Variants in GABRG3 observed in about 807,000 individuals in gnomAD.
GABRG3 encodes the protein gamma-aminobutyric acid receptor subunit gamma-3.
In GABRG3, 25 loss-of-function variants were observed where a neutral mutation model predicts 48.8. That is an observed-to-expected ratio of 0.51 (90% CI 0.37 to 0.72). The LOEUF (loss-of-function observed/expected upper bound fraction) is 0.72, where lower values mean the gene tolerates loss of function less well. GABRG3 is among the 30% of genes least tolerant of loss of function. GABRG3 has a pLI of 0.00. For missense variants in GABRG3, 394 were observed against 577.9 expected (o/e 0.68, Z 3.26); for synonymous variants, 227 against 217.6 (o/e 1.04, Z -0.38).
chr15:27,152,738 T>C (rs1019916257), intron 3 of GABRG3, among the ~76,000 whole-genome samples: 17 of 152,220 alleles, frequency 1.1e-4, no homozygotes, highest in African/African-American at 3.9e-4. Context: ...TTTTGTTCTT[T>C]GCATATTTCA....
In GABRG3 at chr15:27,535,375, A is replaced by T. The variant is rs1331802406; in HGVS notation, c.*2494A>T. ...GCCTTGTGTTTCAAAACCACTCAAC[A>T]TTTGGATATTGTTAGCAACCCTCCT... On this transcript the variant is annotated 3_prime_UTR_variant, in exon 10 of 10. Coordinates refer to ENST00000615808, the MANE Select transcript of GABRG3 (RefSeq NM_033223.5). 6.6e-6 allele frequency: 1 copy of T among 152,222 alleles called. No homozygotes were observed. Among genetic ancestry groups the T allele is most frequent in the Non-Finnish European group, 1.5e-5 (1 of 68,040 alleles). The allele number at this position is 152,222 out of a possible 1,614,324, so 9.4% of individuals were successfully genotyped here.
At chr15:27,202,985 A>G (rs1381387740) in intron 3 of GABRG3, among the ~76,000 whole-genome samples, 1 of 152,138 alleles carries the variant, frequency 6.6e-6, no homozygotes, top group Admixed American at 6.6e-5. Flanking sequence ...GTTATCTTCT[A>G]AAGTATTTAT....
intron 3 of GABRG3, among the ~76,000 whole-genome samples, chr15:27,270,857 A>G (rs1411969200): frequency 6.6e-6 from 1 of 152,200 alleles, no homozygotes; most frequent in Non-Finnish European, 1.5e-5. Flanking sequence ...ACATTATTTC[A>G]TGTCAATCAT....
At chr15:26,995,887 A>G (rs1398189440) in intron 2 of GABRG3, among the ~76,000 whole-genome samples, 1 of 152,092 alleles carries the variant, frequency 6.6e-6, no homozygotes, top group Non-Finnish European at 1.5e-5. Context: ...TAAATAACAT[A>G]TTTATTTATC....
At chr15:27,128,261 G>A (rs1267783427) in intron 3 of GABRG3, among the ~76,000 whole-genome samples, 1 of 152,210 alleles carries the variant, frequency 6.6e-6, no homozygotes, top group Non-Finnish European at 1.5e-5. Context: ...TGGTGGAGGA[G>A]AGCTTGTGGC....
rs1469201356 is a variant in GABRG3, at chr15:27,169,088, T to C, written c.270+142267T>C. On this transcript the variant is annotated intron_variant, in intron 3 of 9. Coordinates refer to ENST00000615808, the MANE Select transcript of GABRG3 (RefSeq NM_033223.5). Reference sequence around the variant, plus strand: ...AGTGCAATGGTGAGCAAAATAGACATGGGCACTTGTCTTTGTGGAGCAAGA... The same window carrying C: ...AGTGCAATGGTGAGCAAAATAGACACGGGCACTTGTCTTTGTGGAGCAAGA... Among the ~76,000 whole-genome samples, 8 of 152,192 alleles carry C rather than the reference T, an allele frequency of 5.3e-5. No individual in the cohort carries two copies. The East Asian group carries it at 7.7e-4, about 15-fold the overall frequency.
intron 3 of GABRG3, among the ~76,000 whole-genome samples, chr15:27,156,405 T>A (rs1168094637): frequency 8.5e-5 from 13 of 152,108 alleles, no homozygotes; most frequent in Admixed American, 7.9e-4. Context: ...GTTGAGAATT[T>A]TTAAAATTCC....
intron 3 of GABRG3, among the ~76,000 whole-genome samples, chr15:27,303,661 AAAG>A (rs536620740): frequency 9.8e-4 from 148 of 151,760 alleles, no homozygotes; most frequent in African/African-American, 3.5e-3. Flanking sequence ...TGACAAGAAA[AAAG>A]AAAACTACAC....
rs1264766235 is a variant in GABRG3 at position 26,971,510 on chromosome 15, C to T, written c.-26C>T. 4.0e-6 allele frequency: 6 copies of T among 1,503,546 alleles called. No homozygotes were observed. The highest frequency in any genetic ancestry group is 2.1e-4 in the Middle Eastern group (1 of 4,710). The allele number at this position is 1,503,546 out of a possible 1,614,324, so 93.1% of individuals were successfully genotyped here. A position where few individuals can be genotyped will look rare whatever the true frequency, so the allele number is the denominator to read the frequency against. ...AGCCGCGCCCGGCCGAGGCCCCGGA[C>T]CCTGCGCCCCGAGCTCCACGGCACC... is the stretch of plus-strand genomic sequence containing the variant. On this transcript the variant is annotated 5_prime_UTR_variant, in exon 1 of 10. Coordinates refer to ENST00000615808, the MANE Select transcript of GABRG3 (RefSeq NM_033223.5).
intron 5 of GABRG3, among the ~76,000 whole-genome samples, chr15:27,408,528 G>A (rs999370736): frequency 2.0e-5 from 3 of 152,156 alleles, no homozygotes; most frequent in Admixed American, 1.3e-4. Context: ...CTATTATCAT[G>A]AAGAAATGAA....
chr15:27,112,351 A>G (rs745876727), intron 3 of GABRG3, among the ~76,000 whole-genome samples: 2 of 152,012 alleles, frequency 1.3e-5, no homozygotes, highest in African/African-American at 4.8e-5. Flanking sequence ...CTAGCTCTCA[A>G]TATATGTATG....
At chr15:27,052,295 G>T (rs1896469142) in intron 3 of GABRG3, among the ~76,000 whole-genome samples, 1 of 152,148 alleles carries the variant, frequency 6.6e-6, no homozygotes, top group African/African-American at 2.4e-5. Context: ...ACCTTGGGGG[G>T]GTGCTGTCAC....
At chr15:27,177,724 C>A (rs887446424) in intron 3 of GABRG3, among the ~76,000 whole-genome samples, 1 of 152,128 alleles carries the variant, frequency 6.6e-6, no homozygotes, top group African/African-American at 2.4e-5. Flanking sequence ...AATAAGGTAG[C>A]AAAATAGCCT....
intron 3 of GABRG3, among the ~76,000 whole-genome samples, chr15:27,294,550 T>A (rs1891912922): frequency 1.3e-5 from 2 of 152,282 alleles, no homozygotes; most frequent in Non-Finnish European, 2.9e-5. Flanking sequence ...TTCACCAATG[T>A]CATTTCTTGC....
chr15:27,115,958 G>C (rs1595533366), intron 3 of GABRG3, among the ~76,000 whole-genome samples: 1 of 152,154 alleles, frequency 6.6e-6, no homozygotes, highest in East Asian at 1.9e-4. Context: ...TGCAGAACTT[G>C]GGCTCAACTC....
chr15:27,143,802 T>C (rs28620365), intron 3 of GABRG3, among the ~76,000 whole-genome samples: 1 of 152,206 alleles, frequency 6.6e-6, no homozygotes, highest in Non-Finnish European at 1.5e-5. Flanking sequence ...TGGGTTCTTT[T>C]AAAAAACTGA....
chr15:27,031,173 T>C (rs1896080491), intron 3 of GABRG3, among the ~76,000 whole-genome samples: 1 of 152,170 alleles, frequency 6.6e-6, no homozygotes, highest in African/African-American at 2.4e-5. Flanking sequence ...AATCCATCTT[T>C]ATCATGCAAA....
intron 3 of GABRG3, among the ~76,000 whole-genome samples, chr15:27,172,507 T>C (rs911000891): frequency 6.6e-6 from 1 of 152,184 alleles, no homozygotes; most frequent in African/African-American, 2.4e-5. Context: ...TCCTCAAATT[T>C]GCATACTGCA....
intron 3 of GABRG3, among the ~76,000 whole-genome samples, chr15:27,127,740 A>G (rs1447415084): frequency 6.6e-6 from 1 of 152,206 alleles, no homozygotes; most frequent in Non-Finnish European, 1.5e-5. Context: ...AGCAATAATC[A>G]TTCTTTAAAA....
Sources: allele counts gnomAD v4.1 joint callset (sites outside exome capture counted in the v4.1 genomes callset), GRCh38; gene constraint gnomAD v4.1.1; transcripts MANE v1.5; gene names NCBI Gene and HGNC (gene_info 2026-07-23, HGNC 2026-07-21).